Variants in SET observed in about 807,000 individuals in gnomAD.
The protein encoded by SET is SET nuclear proto-oncogene, also known as protein SET.
SET carries 4 observed loss-of-function variants against 39.0 expected under a neutral mutation model. That is an observed-to-expected ratio of 0.10 (90% CI 0.05 to 0.23). The LOEUF (loss-of-function observed/expected upper bound fraction) is 0.23. Among genes scored for constraint, SET ranks in the 10% least tolerant of loss-of-function variants. SET has a pLI of 1.00. For missense variants in SET, 137 were observed against 329.7 expected (o/e 0.42, Z 4.53); for synonymous variants, 114 against 115.9 (o/e 0.98, Z 0.11).
chr9:128,689,274 G>T lies in SET; in HGVS notation c.-309G>T. ...GAGGCGGCTCGGGAGAGCGAGCAGCGAGCTGGCTGGATCGCCGAGCGCGAG... is the reference window on the plus strand; with the variant it reads ...GAGGCGGCTCGGGAGAGCGAGCAGCTAGCTGGCTGGATCGCCGAGCGCGAG... On this transcript the variant is annotated 5_prime_UTR_variant, in exon 1 of 8. Coordinates refer to ENST00000322030, the MANE Select transcript of SET (RefSeq NM_003011.4). The T allele has an allele frequency of 3.0e-6, 3 of 1,010,332 alleles. No individual in the cohort carries two copies. The highest frequency in any genetic ancestry group is 4.5e-5 in the South Asian group (1 of 22,028). The allele number at this position is 1,010,332 out of a possible 1,614,324, so 62.6% of individuals were successfully genotyped here.
chr9:128,695,570 C>G lies in SET; in HGVS notation c.*906C>G. 1 of 224,240 alleles carries G rather than the reference C, an allele frequency of 4.5e-6. No homozygotes were observed. Among genetic ancestry groups the G allele is most frequent in the Middle Eastern group, 1.4e-3 (1 of 724 alleles). 13.9% of individuals were successfully genotyped at this position (224,240 alleles called of 1,614,324 possible). A position where few individuals can be genotyped will look rare whatever the true frequency, so the allele number is the denominator to read the frequency against. On this transcript the variant is annotated 3_prime_UTR_variant, in exon 8 of 8. Transcript: ENST00000322030. Reference sequence around the variant, plus strand: ...TTTTCTCTCAGCATAGGTATGCTTACTATGACCTTCCAAGTTTGACTTGTA... The same window carrying G: ...TTTTCTCTCAGCATAGGTATGCTTAGTATGACCTTCCAAGTTTGACTTGTA...
chr9:128,685,370 A>G (rs958278993), upstream of SET, among the ~76,000 whole-genome samples: 10 of 152,144 alleles, frequency 6.6e-5, no homozygotes, highest in African/African-American at 2.4e-4. Flanking sequence ...TGCGCAGCAA[A>G]ATGTGGGTGA....
upstream of SET, among the ~76,000 whole-genome samples, chr9:128,688,522 C>A (rs1322478156): frequency 6.6e-6 from 1 of 152,128 alleles, no homozygotes; most frequent in Non-Finnish European, 1.5e-5. Flanking sequence ...CGCTGGGCAC[C>A]GCGGACTAAT....
chr9:128,683,922 C>G (rs1208229967), exon 1 of SET: 3 of 1,554,360 alleles, frequency 1.9e-6, no homozygotes, highest in Non-Finnish European at 8.7e-7. Flanking sequence ...AGTCTCCACT[C>G]CCGCCTCAAA....
chr9:128,685,680 G>A (rs1247924621), upstream of SET, among the ~76,000 whole-genome samples: 1 of 152,198 alleles, frequency 6.6e-6, no homozygotes, highest in Non-Finnish European at 1.5e-5. Context: ...AGCACTGTGG[G>A]GGAATGCCAG....
chr9:128,690,150 G>C (rs985757938), intron 1 of SET: 4 of 176,108 alleles, frequency 2.3e-5, no homozygotes, highest in Admixed American at 6.5e-5. Flanking sequence ...CCTGGAGCTC[G>C]GGTGGGGTGG....
At chr9:128,685,617 G>A (rs993197065), upstream of SET, among the ~76,000 whole-genome samples, 2 of 152,200 alleles carry the variant, frequency 1.3e-5, no homozygotes, top group Admixed American at 6.5e-5. Flanking sequence ...TGTCTGTGGC[G>A]GGGGAGATGT....
rs1459289592 is a variant in SET, at chr9:128,689,408, C to T, written c.-175C>T. The T allele has an allele frequency of 9.3e-5, 66 of 711,656 alleles. No individual in the cohort carries two copies. The highest frequency in any genetic ancestry group is 1.1e-4 in the Non-Finnish European group (64 of 558,126). The allele number at this position is 711,656 out of a possible 1,614,324, so 44.1% of individuals were successfully genotyped here. On this transcript the variant is annotated 5_prime_UTR_variant, in exon 1 of 8. Transcript: ENST00000322030. ...CAGCCCGTCCCTCGGCGTCAGGCCG[C>T]GAGGGTAGCGCGCGCGAGCGAGCGA... is the stretch of plus-strand genomic sequence containing the variant.
upstream of SET, among the ~76,000 whole-genome samples, chr9:128,684,524 G>A (rs749293283): frequency 2.4e-4 from 37 of 151,888 alleles, no homozygotes; most frequent in Non-Finnish European, 4.0e-4. Flanking sequence ...CCCACTCCCC[G>A]GCTTAAACCC....
intron 3 of SET, 50 bp from the exon 4 acceptor site, chr9:128,692,612 T>A: frequency 1.7e-6 from 2 of 1,206,670 alleles, no homozygotes; most frequent in Non-Finnish European, 2.5e-6. Context: ...TAAATTGTTG[T>A]TAGTGTGTGC....
At chr9:128,684,948 T>C, upstream of SET, 2 of 1,190,938 alleles carry the variant, frequency 1.7e-6, no homozygotes, top group Non-Finnish European at 2.3e-6. Flanking sequence ...GGATAGAGAG[T>C]TGACTGTTCT....
At chr9:128,692,038 T>C in intron 3 of SET, 38 bp downstream of exon 3, 1 of 1,601,908 alleles carries the variant, frequency 6.2e-7, no homozygotes. Context: ...GGATAAACAG[T>C]GTTTGTTAGA....
intron 3 of SET, 127 bp downstream of exon 3, chr9:128,692,127 CT>C: frequency 4.4e-6 from 5 of 1,141,286 alleles, no homozygotes; most frequent in Non-Finnish European, 6.2e-6. Context: ...GGTGGCGCAC[CT>C]GTAATCCCAG....
At position 128,689,555 on chromosome 9, in the gene SET, G is replaced by A. The variant is rs1257101173; in HGVS notation, c.-28G>A. 2.1e-5 allele frequency: 22 copies of A among 1,024,390 alleles called. No homozygotes were observed. Among genetic ancestry groups the A allele is most frequent in the Admixed American group, 3.9e-5 (1 of 25,488 alleles). The allele number at this position is 1,024,390 out of a possible 1,614,324, so 63.5% of individuals were successfully genotyped here. On this transcript the variant is annotated 5_prime_UTR_variant, in exon 1 of 8. Transcript: ENST00000322030. ...CGCCTTCCCTTCTCTCCCCCTCCCC[G>A]CTCCCCCCCCGACCGCGGAGCAGCA...
chr9:128,687,237 T>A (rs1298773746), upstream of SET, among the ~76,000 whole-genome samples: 4 of 151,980 alleles, frequency 2.6e-5, no homozygotes, highest in East Asian at 7.7e-4. Context: ...TGGGCGCCTG[T>A]AATCCCAGAT....
At position 128,695,387 on chromosome 9, in the gene SET, T is replaced by C; in HGVS notation, c.*723T>C. The C allele has an allele frequency of 4.5e-6, 1 of 224,430 alleles. No homozygotes were observed. Among genetic ancestry groups the C allele is most frequent in the South Asian group, 1.8e-4 (1 of 5,418 alleles). The allele number at this position is 224,430 out of a possible 1,614,324, so 13.9% of individuals were successfully genotyped here. A position where few individuals can be genotyped will look rare whatever the true frequency, so the allele number is the denominator to read the frequency against. The stretch of plus-strand genomic sequence containing the variant: ...TCAGCAGAACCTGTAGGATCTTATT[T>C]GGAATTGACATTCTCTATTGTAATT... On this transcript the variant is annotated 3_prime_UTR_variant, in exon 8 of 8. Coordinates refer to ENST00000322030, the MANE Select transcript of SET (RefSeq NM_003011.4).
In SET at chr9:128,692,647, A is replaced by G; in HGVS notation, c.275-15A>G. 6.4e-7 allele frequency: 1 copy of G among 1,563,486 alleles called. No individual in the cohort carries two copies. The highest frequency in any genetic ancestry group is 2.2e-5 in the East Asian group (1 of 44,622). On this transcript the variant is annotated splice_polypyrimidine_tract_variant and intron_variant, in intron 3 of 7. Transcript: ENST00000322030. ...CCTGTTGAAAATTCAGCTGACCTGT[A>G]ATTTTCTGGCCTAGTGTCTGCACTG...
exon 1 of SET, chr9:128,683,690 G>A: frequency 2.1e-6 from 1 of 472,718 alleles, no homozygotes; most frequent in South Asian, 2.9e-5. Flanking sequence ...GCAACTAAAA[G>A]AAATTTCTCC....
Position 128,689,406 on chromosome 9 carries a change from C to G in SET, c.-177C>G. 5.1e-6 allele frequency: 4 copies of G among 777,116 alleles called. No individual in the cohort carries two copies. Among genetic ancestry groups the G allele is most frequent in the Non-Finnish European group, 6.5e-6 (4 of 616,370 alleles). 48.1% of individuals were successfully genotyped at this position (777,116 alleles called of 1,614,324 possible). ...CCCAGCCCGTCCCTCGGCGTCAGGCCGCGAGGGTAGCGCGCGCGAGCGAGC... is the reference window on the plus strand; with the variant it reads ...CCCAGCCCGTCCCTCGGCGTCAGGCGGCGAGGGTAGCGCGCGCGAGCGAGC... On this transcript the variant is annotated 5_prime_UTR_variant, in exon 1 of 8. Transcript: ENST00000322030.
Sources: allele counts gnomAD v4.1 joint callset (sites outside exome capture counted in the v4.1 genomes callset), GRCh38; gene constraint gnomAD v4.1.1; transcripts MANE v1.5; gene names NCBI Gene and HGNC (gene_info 2026-07-23, HGNC 2026-07-21).